The following CC2D2A variants were observed in gnomAD, a reference collection of about 807,000 sequenced individuals.
CC2D2A encodes the protein coiled-coil and C2 domain-containing protein 2A.
Under a neutral mutation model 212.9 loss-of-function variants are expected in CC2D2A, and 155 were observed. The observed-to-expected ratio is 0.73, with a 90% CI of 0.64 to 0.83. CC2D2A has a LOEUF of 0.83. CC2D2A is among the 40% of genes least tolerant of loss of function. CC2D2A has a pLI of 0.00. For missense variants in CC2D2A, 1,856 were observed against 1,956.2 expected (o/e 0.95, Z 0.97); for synonymous variants, 667 against 686.5 (o/e 0.97, Z 0.44).
intron 29 of CC2D2A, among the ~76,000 whole-genome samples, chr4:15,574,945 G>T (rs534786620): frequency 6.6e-6 from 1 of 152,204 alleles, no homozygotes; most frequent in East Asian, 1.9e-4. Flanking sequence ...GGAACGCTAC[G>T]CATGTGGGAG....
At chr4:15,595,904 A>G (rs1681538015) in intron 33 of CC2D2A, 181 bp from the exon 34 acceptor site, 1 of 416,638 alleles carries the variant, frequency 2.4e-6, no homozygotes, top group Admixed American at 4.4e-5. Context: ...TGACAACTCT[A>G]TGATGCCACT....
intron 30 of CC2D2A, among the ~76,000 whole-genome samples, chr4:15,582,271 G>A (rs780042218): frequency 6.6e-6 from 1 of 151,950 alleles, no homozygotes; most frequent in African/African-American, 2.4e-5. Context: ...GAGAATTATT[G>A]AACTAGAATA....
chr4:15,558,274 C>A (rs377358567), intron 21 of CC2D2A, among the ~76,000 whole-genome samples: 12 of 152,190 alleles, frequency 7.9e-5, no homozygotes, highest in Middle Eastern at 3.4e-3. Flanking sequence ...CAAAACTATT[C>A]TTGAAGAATA....
intron 4 of CC2D2A, among the ~76,000 whole-genome samples, chr4:15,498,586 C>A (rs1577326440): frequency 6.6e-6 from 1 of 152,078 alleles, no homozygotes; most frequent in Non-Finnish European, 1.5e-5. Flanking sequence ...AGTGGAGCAA[C>A]TGACAATAAA....
chr4:15,488,723 ACAAGGCTCCAAGTATTGT>A (rs1290599439), intron 4 of CC2D2A, among the ~76,000 whole-genome samples: 1 of 152,222 alleles, frequency 6.6e-6, no homozygotes, highest in African/African-American at 2.4e-5. Flanking sequence ...CCTCTGTCCT[ACAAGGCTCCAAGTATTGT>A]CAAGGTCAGG....
intron 21 of CC2D2A, among the ~76,000 whole-genome samples, chr4:15,558,074 G>C (rs1345741118): frequency 6.6e-6 from 1 of 152,192 alleles, no homozygotes; most frequent in Non-Finnish European, 1.5e-5. Context: ...CAGGTGTGGG[G>C]TGGAGGAGCC....
rs555320683 is a variant in CC2D2A at position 15,488,239 on chromosome 4, G to T, written c.247+7412G>T. Among the ~76,000 whole-genome samples, 13 of 152,230 alleles carry T rather than the reference G, an allele frequency of 8.5e-5. No homozygotes were observed. In the South Asian group the frequency reaches 1.7e-3, roughly 19 times the overall value. Reference sequence around the variant, plus strand: ...TCCCTTTAGCATTTCTTGTAAGATAGATCTGGTGATGATGAAATCCCTTGG... The same window carrying T: ...TCCCTTTAGCATTTCTTGTAAGATATATCTGGTGATGATGAAATCCCTTGG... On this transcript the variant is annotated intron_variant, in intron 4 of 36. Transcript: ENST00000424120.
chr4:15,485,985 C>T (rs1214419190), intron 4 of CC2D2A, among the ~76,000 whole-genome samples: 1 of 152,212 alleles, frequency 6.6e-6, no homozygotes, highest in Non-Finnish European at 1.5e-5. Flanking sequence ...ATATATTGAA[C>T]TATCCTTGCA....
chr4:15,573,483 G>C (rs1419774813), intron 28 of CC2D2A, among the ~76,000 whole-genome samples: 1 of 152,142 alleles, frequency 6.6e-6, no homozygotes, highest in East Asian at 1.9e-4. Flanking sequence ...TAAAGATGGA[G>C]TTTCACCTTG....
chr4:15,584,002 T>C (rs978131367), intron 30 of CC2D2A, among the ~76,000 whole-genome samples: 4 of 148,424 alleles, frequency 2.7e-5, no homozygotes, highest in East Asian at 2.0e-4. Context: ...ATGAAAGAAA[T>C]TGAGGAAGGC....
intron 1 of CC2D2A, among the ~76,000 whole-genome samples, chr4:15,473,996 C>T (rs548161231): frequency 6.6e-6 from 1 of 152,126 alleles, no homozygotes; most frequent in Non-Finnish European, 1.5e-5. Context: ...ATACTTGAGT[C>T]TGGAGTTCTG....
intron 4 of CC2D2A, among the ~76,000 whole-genome samples, chr4:15,497,996 A>C (rs980015710): frequency 3.9e-5 from 6 of 152,236 alleles, no homozygotes; most frequent in African/African-American, 1.4e-4. Flanking sequence ...TGTTAGGAAA[A>C]CATGGTTGTG....
At chr4:15,534,167 G>A (rs1717998096) in intron 14 of CC2D2A, among the ~76,000 whole-genome samples, 1 of 152,078 alleles carries the variant, frequency 6.6e-6, no homozygotes, top group Non-Finnish European at 1.5e-5. Context: ...TTTTGGACTG[G>A]ATTATTTATC....
At chr4:15,572,965 G>C (rs1023541034) in intron 28 of CC2D2A, among the ~76,000 whole-genome samples, 1 of 152,098 alleles carries the variant, frequency 6.6e-6, no homozygotes, top group African/African-American at 2.4e-5. Context: ...AAGATGAAGG[G>C]GGGAAGACTC....
chr4:15,548,882 A>G (rs1010015054), intron 17 of CC2D2A, among the ~76,000 whole-genome samples: 1 of 152,212 alleles, frequency 6.6e-6, no homozygotes, highest in Non-Finnish European at 1.5e-5. Context: ...CTTGAGGAAC[A>G]TATCAGTCAA....
chr4:15,592,442 ATT>A (rs1316120048), intron 33 of CC2D2A, among the ~76,000 whole-genome samples: 1 of 152,148 alleles, frequency 6.6e-6, no homozygotes. Context: ...GAGAAGCACC[ATT>A]GTCTTGCTAA....
rs1372070106 is a variant in CC2D2A at position 15,518,606 on chromosome 4, C to T, written c.1149+1850C>T. Among the ~76,000 whole-genome samples, 13 of 152,242 alleles carry T rather than the reference C, an allele frequency of 8.5e-5. 1 individual carries two copies. The East Asian group carries it at 1.9e-3, about 23-fold the overall frequency. On this transcript the variant is annotated intron_variant, in intron 11 of 36. Transcript: ENST00000424120. Reference sequence around the variant, plus strand: ...TCTGCACTGCCCTAGCAGAGGTTCTCCATGAGAGCCCTCCCCCTGCAGCAA... The same window carrying T: ...TCTGCACTGCCCTAGCAGAGGTTCTTCATGAGAGCCCTCCCCCTGCAGCAA...
chr4:15,583,753 T>C (rs1357070698), intron 30 of CC2D2A, among the ~76,000 whole-genome samples: 1 of 151,930 alleles, frequency 6.6e-6, no homozygotes, highest in African/African-American at 2.4e-5. Flanking sequence ...ATCTAGACCA[T>C]CCTGGCTAAT....
intron 14 of CC2D2A, among the ~76,000 whole-genome samples, chr4:15,534,718 T>C (rs1426665476): frequency 6.6e-6 from 1 of 152,130 alleles, no homozygotes; most frequent in East Asian, 1.9e-4. Context: ...CAAAGATAGC[T>C]ACAAATTGTA....
Sources: gnomAD v4.1 joint callset for allele counts (sites outside exome capture counted in the v4.1 genomes callset) on GRCh38, gnomAD v4.1.1 for gene constraint, MANE v1.5 for transcripts, NCBI Gene and HGNC (gene_info 2026-07-23, HGNC 2026-07-21) for gene names.